SV2C: variants seen among roughly 807,000 people sequenced by gnomAD.
The protein encoded by SV2C is solute carrier family 22 member B3.
Under a neutral mutation model 79.7 loss-of-function variants are expected in SV2C, and 49 were observed. The observed-to-expected ratio is 0.61, with a 90% confidence interval of 0.49 to 0.78. SV2C has a LOEUF of 0.78. Among genes scored for constraint, SV2C ranks in the 30% least tolerant of loss-of-function variants. The probability of loss-of-function intolerance (pLI) is 0.00; values close to 1 mark genes in which losing one functional copy is unlikely to be tolerated. For synonymous variants in SV2C, 334 were observed against 333.2 expected, an observed-to-expected ratio of 1.00 and a Z score of -0.03; for missense variants, 833 against 912.9, an observed-to-expected ratio of 0.91 and a Z score of 1.13.
At chr5:76,080,326 A>C (rs1746965610), upstream of SV2C, among the ~76,000 whole-genome samples, 1 of 151,644 alleles carries the variant, frequency 6.6e-6, no homozygotes, top group Non-Finnish European at 1.5e-5. Context: ...TTTGCTATAG[A>C]CTCCTGATGA....
exon 13 of SV2C, chr5:76,353,487 G>C (rs1308529501): frequency 1.3e-5 from 2 of 153,424 alleles, no homozygotes; most frequent in African/African-American, 2.4e-5. Flanking sequence ...CCATTAGTGG[G>C]TGTGGACCTC....
the SV2C span, among the ~76,000 whole-genome samples, chr5:75,883,153 A>G: frequency 8.6e-5 from 12 of 139,424 alleles, no homozygotes; most frequent in African/African-American, 2.0e-4. Context: ...ACCATCTCAC[A>G]CCAGTTAGAA....
intron 12 of SV2C, among the ~76,000 whole-genome samples, chr5:76,349,259 C>A (rs1168273711): frequency 6.6e-6 from 1 of 152,200 alleles, no homozygotes; most frequent in Admixed American, 6.5e-5. Context: ...CGCCTGTAAT[C>A]CCAGCACTTT....
chr5:76,131,356 GT>G (rs1327756129), intron 1 of SV2C, among the ~76,000 whole-genome samples: 2 of 152,112 alleles, frequency 1.3e-5, no homozygotes, highest in Non-Finnish European at 2.9e-5. Context: ...AAGATGCTCT[GT>G]TTTATTCTCA....
intron 2 of SV2C, among the ~76,000 whole-genome samples, chr5:76,171,549 AC>A (rs1191066104): frequency 7.4e-6 from 1 of 135,906 alleles, no homozygotes; most frequent in Non-Finnish European, 1.6e-5. Context: ...CCCGGCAGCC[AC>A]CCCATCTGGG....
At chr5:76,053,226 ATT>A in the SV2C span, among the ~76,000 whole-genome samples, 1 of 152,058 alleles carries the variant, frequency 6.6e-6, no homozygotes, top group African/African-American at 2.4e-5. Flanking sequence ...TCCAAGTGTC[ATT>A]TGTCTTTTCA....
At chr5:76,143,860 G>A (rs1296914427) in intron 2 of SV2C, among the ~76,000 whole-genome samples, 1 of 152,188 alleles carries the variant, frequency 6.6e-6, no homozygotes, top group Admixed American at 6.5e-5. Context: ...AGCCGTTCTT[G>A]GAGTTGTAGA....
At chr5:76,080,649 T>C (rs1746971738), upstream of SV2C, among the ~76,000 whole-genome samples, 1 of 152,238 alleles carries the variant, frequency 6.6e-6, no homozygotes, top group African/African-American at 2.4e-5. Context: ...AACAGACCTC[T>C]CATGCTCATT....
chr5:76,303,199 C>A (rs1450741196), intron 12 of SV2C, among the ~76,000 whole-genome samples: 2 of 152,284 alleles, frequency 1.3e-5, no homozygotes, highest in Admixed American at 1.3e-4. Context: ...CTGAAAGGAA[C>A]CATACAATCT....
At chr5:76,128,976 C>T (rs922820669) in intron 1 of SV2C, among the ~76,000 whole-genome samples, 1 of 152,146 alleles carries the variant, frequency 6.6e-6, no homozygotes, top group African/African-American at 2.4e-5. Flanking sequence ...GAGCCAAGCT[C>T]TTCACATTTT....
intron 2 of SV2C, among the ~76,000 whole-genome samples, chr5:76,175,965 A>G (rs986636321): frequency 3.3e-5 from 5 of 152,162 alleles, no homozygotes; most frequent in African/African-American, 1.2e-4. Context: ...CCGAAAGTCT[A>G]TGAGAAAGTG....
chr5:76,006,443 T>A, the SV2C span, among the ~76,000 whole-genome samples: 1 of 152,208 alleles, frequency 6.6e-6, no homozygotes, highest in Non-Finnish European at 1.5e-5. Context: ...AGTTCATAAG[T>A]CATTTTGGAA....
the SV2C span, among the ~76,000 whole-genome samples, chr5:75,850,080 C>G: frequency 1.5e-3 from 226 of 151,988 alleles, no homozygotes; most frequent in African/African-American, 5.3e-3. Flanking sequence ...ATTCTGTTTT[C>G]CTTGAAAATC....
the SV2C span, among the ~76,000 whole-genome samples, chr5:76,031,390 C>T: frequency 1.6e-4 from 24 of 152,336 alleles, 1 homozygote; most frequent in East Asian, 3.9e-3. Flanking sequence ...GGCTGTCACA[C>T]GGCAATGCTG....
chr5:76,173,691 T>A (rs747572874), intron 2 of SV2C: 1 of 1,613,848 alleles, frequency 6.2e-7, no homozygotes, highest in Non-Finnish European at 8.5e-7. Context: ...TTTCTGTTAA[T>A]TTGCCGCACT....
chr5:76,315,351 CA>C (rs766382075), intron 12 of SV2C, among the ~76,000 whole-genome samples: 1 of 151,888 alleles, frequency 6.6e-6, no homozygotes, highest in East Asian at 1.9e-4. Context: ...AGTCTGGTAT[CA>C]AAAAAACAAA....
At chr5:75,873,811 C>G in the SV2C span, among the ~76,000 whole-genome samples, 1 of 151,890 alleles carries the variant, frequency 6.6e-6, no homozygotes, top group Non-Finnish European at 1.5e-5. Context: ...AAGAAAGAGA[C>G]GGACAAATTC....
At chr5:75,974,001 A>G in the SV2C span, among the ~76,000 whole-genome samples, 1 of 152,092 alleles carries the variant, frequency 6.6e-6, no homozygotes, top group Non-Finnish European at 1.5e-5. Flanking sequence ...GGTCAAAAAA[A>G]TGAGTTATGA....
intron 3 of SV2C, among the ~76,000 whole-genome samples, chr5:76,201,176 A>C (rs111611892): frequency 1.4e-3 from 210 of 152,330 alleles, no homozygotes; most frequent in African/African-American, 4.9e-3. Context: ...CCAATTACTC[A>C]TCTGTCTATC....
Sources: allele counts gnomAD v4.1 joint callset (sites outside exome capture counted in the v4.1 genomes callset), GRCh38; gene constraint gnomAD v4.1.1; transcripts MANE v1.5; gene names NCBI Gene and HGNC (gene_info 2026-07-23, HGNC 2026-07-21).